Variants in NEURL3 observed in about 807,000 individuals in gnomAD.
NEURL3 encodes E3 ubiquitin-protein ligase NEURL3.
A neutral mutation model predicts 17.6 loss-of-function variants in NEURL3; 19 were observed. The ratio of observed to expected loss-of-function variants is 1.08; its 90% CI spans 0.75 to 1.58. The LOEUF is 1.58. Ranked by LOEUF, NEURL3 falls within the 40% of genes most tolerant of loss-of-function variation. The pLI, the probability that NEURL3 is intolerant of heterozygous loss-of-function variation, is 0.00. For synonymous variants in NEURL3, 180 were observed against 161.4 expected (o/e 1.11, Z -0.87); for missense variants, 342 against 379.6 (o/e 0.90, Z 0.82).
chr2:96,500,876 C>T lies in NEURL3; in HGVS notation c.77G>A (p.Gly26Asp). The change falls in exon 2 of 4, where the codon GGC becomes GAC. Residue 26 changes from glycine (G) to aspartate (D), a missense_variant. Transcript: ENST00000451794. The part of the protein sequence containing the change: ...EALRFHAEAK[G>D]AQVRLDTRGC... ...ACGCGTGTCCAGACGCACCTGTGCG[C>T]CCTTGGCCTCGGCATGGAAGCGAAG... is the stretch of plus-strand genomic sequence containing the variant. 1 of 1,549,164 alleles carries T rather than the reference C, an allele frequency of 6.5e-7. No individual in the cohort carries two copies.
intron 1 of NEURL3, among the ~76,000 whole-genome samples, chr2:96,502,752 G>A (rs1359490451): frequency 1.3e-5 from 2 of 152,248 alleles, no homozygotes; most frequent in Non-Finnish European, 2.9e-5. Flanking sequence ...GAGGGGCGGT[G>A]CCGGAGATGG....
Position 96,498,609 on chromosome 2 carries a change from A to C in NEURL3, c.587-163T>G, listed in dbSNP as rs926248932. The stretch of plus-strand genomic sequence containing the variant: ...TGTAATCAAGTGAAAAAAAGGGGGA[A>C]GAAAACCATTTTTTATATACATATA... On this transcript the variant is annotated intron_variant, in intron 3 of 3. Transcript: ENST00000451794. The surrounding 1 kb of genome is among the most constrained non-coding windows in gnomAD (Gnocchi z 4.4). The C allele has an allele frequency of 1.6e-5, 4 of 254,230 alleles. No individual in the cohort carries two copies. The highest frequency in any genetic ancestry group is 9.3e-5 in the African/African-American group (4 of 43,208). 15.7% of individuals were successfully genotyped at this position (254,230 alleles called of 1,614,324 possible). A position where few individuals can be genotyped will look rare whatever the true frequency, so the allele number is the denominator to read the frequency against.
Position 96,500,774 on chromosome 2 carries a change from C to A in NEURL3, c.179G>T (p.Arg60Leu). 2 of 1,526,370 alleles carry A rather than the reference C, an allele frequency of 1.3e-6. No individual in the cohort carries two copies. Among genetic ancestry groups the A allele is most frequent in the Non-Finnish European group, 1.8e-6 (2 of 1,142,324 alleles). 94.6% of individuals were successfully genotyped at this position (1,526,370 alleles called of 1,614,324 possible). Residue 60 changes from arginine (R) to leucine (L), a missense_variant, in exon 2 of 4, where the codon CGT (arginine) becomes CTT (leucine). By Grantham distance (102) the Arg-to-Leu change is moderately radical. Coordinates refer to ENST00000451794, the MANE Select transcript of NEURL3 (RefSeq NM_001285485.2). ...FSQRPVRLGE[R>L]VALRVLREES... ...CTCCCGCAGCACTCGCAGCGCCACA[C>A]GCTCGCCCAGGCGCACCGGCCGCTG... is the stretch of plus-strand genomic sequence containing the variant.
rs1463786890 is a variant in NEURL3, at chr2:96,499,362, T to C, written c.586+16A>G. ...TGGATTCCCGGGGAGTCCCTGATTCTTGGGAAGGCACTCACCTTTGGGCTC... is the reference window on the plus strand; with the variant it reads ...TGGATTCCCGGGGAGTCCCTGATTCCTGGGAAGGCACTCACCTTTGGGCTC... On this transcript the variant is annotated intron_variant, in intron 3 of 3. Coordinates refer to ENST00000451794, the MANE Select transcript of NEURL3 (RefSeq NM_001285485.2). 16 of 1,598,944 alleles carry C rather than the reference T, an allele frequency of 1.0e-5. No individual in the cohort carries two copies. Among genetic ancestry groups the C allele is most frequent in the Non-Finnish European group, 1.3e-5 (15 of 1,179,366 alleles).
rs188034175 is a variant in NEURL3, at chr2:96,497,775, T to C, written c.*469A>G. 2.6e-3 allele frequency: 400 copies of C among 156,664 alleles called. 3 individuals carry two copies. Among genetic ancestry groups the C allele is most frequent in the African/African-American group, 8.5e-3 (356 of 41,682 alleles). The allele number at this position is 156,664 out of a possible 1,614,324, so 9.7% of individuals were successfully genotyped here. A position where few individuals can be genotyped will look rare whatever the true frequency, so the allele number is the denominator to read the frequency against. On this transcript the variant is annotated 3_prime_UTR_variant, in exon 4 of 4. Transcript: ENST00000451794. ...TCTCTCTGGGACCTCATGACCACCC[T>C]GAAAGGGAGGCAGGGCGGGTAACTA...
At chr2:96,499,265 G>C (rs1181351429) in intron 3 of NEURL3, 113 bp downstream of exon 3, 1 of 1,480,676 alleles carries the variant, frequency 6.8e-7, no homozygotes, top group Non-Finnish European at 8.9e-7. Flanking sequence ...CAAATCTTTT[G>C]GCCCAAAGCC....
chr2:96,506,742 GGTAT>G (rs1246854309), upstream of NEURL3, among the ~76,000 whole-genome samples: 1 of 152,262 alleles, frequency 6.6e-6, no homozygotes, highest in Non-Finnish European at 1.5e-5. Flanking sequence ...TCTCATGAGA[GGTAT>G]GTATGGCATC....
At chr2:96,504,531 C>G (rs942630397) in intron 1 of NEURL3, 1 of 152,308 alleles carries the variant, frequency 6.6e-6, no homozygotes, top group Non-Finnish European at 1.5e-5. Flanking sequence ...AGCTCTTTAC[C>G]TGGGAGGGTA....
rs2065502554 is a variant in NEURL3, at chr2:96,501,011, C to T, written c.29-87G>A. 3 of 1,396,494 alleles carry T rather than the reference C, an allele frequency of 2.1e-6. No homozygotes were observed. In the South Asian group the frequency reaches 4.6e-5, roughly 21 times the overall value. 86.5% of individuals were successfully genotyped at this position (1,396,494 alleles called of 1,614,324 possible). On this transcript the variant is annotated intron_variant, in intron 1 of 3. Transcript: ENST00000451794. ...GAGCCCCCAGTATCCCAGAGTCCCT[C>T]ACACCTGGGAGCACCTTGACCTTCC...
chr2:96,508,029 A>T (rs968535809), upstream of NEURL3: 1 of 152,248 alleles, frequency 6.6e-6, no homozygotes, highest in Non-Finnish European at 1.5e-5. Context: ...AATTAGGAAT[A>T]TCTCCTCCAC....
chr2:96,499,708 C>T (rs1432935580), intron 2 of NEURL3, among the ~76,000 whole-genome samples: 2 of 152,154 alleles, frequency 1.3e-5, no homozygotes, highest in Non-Finnish European at 2.9e-5. Flanking sequence ...GCCCTCCAGC[C>T]GCTGCCTGAG....
At position 96,505,296 on chromosome 2, in the gene NEURL3, G is replaced by T; in HGVS notation, c.-10C>A. The T allele has an allele frequency of 6.3e-7, 1 of 1,599,136 alleles. No individual in the cohort carries two copies. Among genetic ancestry groups the T allele is most frequent in the Non-Finnish European group, 8.5e-7 (1 of 1,179,780 alleles). On this transcript the variant is annotated 5_prime_UTR_variant, in exon 1 of 4. Transcript: ENST00000451794. The stretch of plus-strand genomic sequence containing the variant: ...AGAGCTGGGCACCCATCAGTCTAAG[G>T]TCCTCGGGCACAGGTCCCCAGGTCT...
intron 1 of NEURL3, among the ~76,000 whole-genome samples, chr2:96,503,368 T>C (rs2065528774): frequency 6.6e-6 from 1 of 152,088 alleles, no homozygotes; most frequent in African/African-American, 2.4e-5. Context: ...GGCTGGTGGG[T>C]GCCGAGGGGA....
upstream of NEURL3, among the ~76,000 whole-genome samples, chr2:96,506,540 G>A (rs2104619482): frequency 6.6e-6 from 1 of 152,336 alleles, no homozygotes; most frequent in Admixed American, 6.5e-5. Context: ...GGCCTGGTGG[G>A]TTTGGAGCCT....
intron 1 of NEURL3, among the ~76,000 whole-genome samples, chr2:96,501,958 A>G (rs565069556): frequency 2.1e-4 from 32 of 152,150 alleles, no homozygotes; most frequent in African/African-American, 7.7e-4. Context: ...CAAGGCAGGC[A>G]CTCTGACTAC....
intron 1 of NEURL3, among the ~76,000 whole-genome samples, chr2:96,503,812 G>C (rs1331615284): frequency 6.6e-6 from 1 of 152,248 alleles, no homozygotes; most frequent in Non-Finnish European, 1.5e-5. Flanking sequence ...AGGGTGGGGA[G>C]TGGCAGAGGT....
At chr2:96,499,248 G>A (rs2065473136) in intron 3 of NEURL3, 130 bp downstream of exon 3, 2 of 1,448,976 alleles carry the variant, frequency 1.4e-6, no homozygotes, top group Non-Finnish European at 9.1e-7. Flanking sequence ...TTTCCAGTAG[G>A]CAGAGCCAAA....
At chr2:96,506,443 G>A (rs920925218), upstream of NEURL3, among the ~76,000 whole-genome samples, 2 of 152,236 alleles carry the variant, frequency 1.3e-5, no homozygotes, top group Non-Finnish European at 2.9e-5. Flanking sequence ...GCCTCAAGCA[G>A]TCCCCCCATC....
At chr2:96,505,557 G>A (rs1573160330), upstream of NEURL3, among the ~76,000 whole-genome samples, 2 of 152,156 alleles carry the variant, frequency 1.3e-5, no homozygotes, top group South Asian at 4.1e-4. Flanking sequence ...TAGGTCTTAC[G>A]GTAGCCTTCT....
Sources: allele counts gnomAD v4.1 joint callset (sites outside exome capture counted in the v4.1 genomes callset), GRCh38; gene constraint gnomAD v4.1.1; non-coding constraint Gnocchi (gnomAD v3.1); transcripts MANE v1.5; gene names NCBI Gene and HGNC (gene_info 2026-07-23, HGNC 2026-07-21).